The following FUT8 variants were observed in gnomAD, a reference collection of about 807,000 sequenced individuals.
FUT8 encodes alpha-(1,6)-fucosyltransferase.
A neutral mutation model predicts 71.3 loss-of-function variants in FUT8; 29 were observed. The observed-to-expected ratio is 0.41, with a 90% CI of 0.30 to 0.55. The LOEUF is 0.55. Ranked by LOEUF, FUT8 falls within the 20% of genes least tolerant of loss-of-function variation. The probability of loss-of-function intolerance (pLI) is 0.34; values close to 1 mark genes in which losing one functional copy is unlikely to be tolerated. For synonymous variants in FUT8, 254 were observed against 239.3 expected, an observed-to-expected ratio of 1.06 and a Z score of -0.57; for missense variants, 544 against 702.1, an observed-to-expected ratio of 0.77 and a Z score of 2.55.
At chr14:65,566,249 A>C (rs1319448524) in intron 3 of FUT8, among the ~76,000 whole-genome samples, 4 of 151,994 alleles carry the variant, frequency 2.6e-5, no homozygotes, top group Non-Finnish European at 5.9e-5. Flanking sequence ...CAGGAATTGC[A>C]TGGCCTCTTG....
chr14:65,645,013 A>C (rs1047674199), intron 6 of FUT8, among the ~76,000 whole-genome samples: 1 of 152,202 alleles, frequency 6.6e-6, no homozygotes, highest in Non-Finnish European at 1.5e-5. Context: ...AGCTAAATAT[A>C]CTGCAGAAAG....
intron 6 of FUT8, among the ~76,000 whole-genome samples, chr14:65,637,209 T>C (rs1043100490): frequency 1.3e-5 from 2 of 152,180 alleles, no homozygotes; most frequent in African/African-American, 2.4e-5. Flanking sequence ...TCATTATGAG[T>C]CCACATTTTA....
intron 6 of FUT8, among the ~76,000 whole-genome samples, chr14:65,668,006 A>G (rs1051311848): frequency 6.6e-6 from 1 of 152,228 alleles, no homozygotes; most frequent in African/African-American, 2.4e-5. Flanking sequence ...GTGCTGGGAT[A>G]ACTGGTTAGC....
In FUT8 at chr14:65,688,877, T is replaced by G. The variant is rs111563695; in HGVS notation, c.835+19397T>G. On this transcript the variant is annotated intron_variant, in intron 7 of 10. Coordinates refer to ENST00000673929, the MANE Select transcript of FUT8 (RefSeq NM_001371533.1). The stretch of plus-strand genomic sequence containing the variant: ...ACATACAGTTTTGGTGAGGGCCTTC[T>G]TCCTGGTGTTTACCTTCGCATCGTG... Among the ~76,000 whole-genome samples, 1,075 of 152,314 alleles carry G rather than the reference T, an allele frequency of 7.1e-3. 13 individuals are homozygous for G. The highest frequency in any genetic ancestry group is 0.023 in the African/African-American group (974 of 41,566).
intron 7 of FUT8, among the ~76,000 whole-genome samples, chr14:65,697,618 T>C (rs1894058724): frequency 6.6e-6 from 1 of 152,218 alleles, no homozygotes; most frequent in African/African-American, 2.4e-5. Context: ...ATTATAATGA[T>C]AGTAATCATC....
chr14:65,366,123 A>T, the FUT8 span, among the ~76,000 whole-genome samples: 1 of 152,220 alleles, frequency 6.6e-6, no homozygotes, highest in Non-Finnish European at 1.5e-5. Flanking sequence ...TTCCTGTAAC[A>T]GTATGTGTCT....
chr14:65,412,089 C>T (rs1953416), upstream of FUT8: 180,540 of 456,544 alleles, frequency 0.4, 39,613 homozygotes, highest in Non-Finnish European at 0.48. Context: ...CTGTCGCAGC[C>T]GCGGGTCGGG....
chr14:65,480,700 T>C (rs1482981830), intron 2 of FUT8, among the ~76,000 whole-genome samples: 1 of 151,932 alleles, frequency 6.6e-6, no homozygotes, highest in Non-Finnish European at 1.5e-5. Flanking sequence ...TAATTCTATT[T>C]TTTTTTTTTA....
intron 2 of FUT8, among the ~76,000 whole-genome samples, chr14:65,544,549 T>C (rs934695468): frequency 6.6e-6 from 1 of 152,168 alleles, no homozygotes; most frequent in Non-Finnish European, 1.5e-5. Context: ...TATTTAGGGC[T>C]GAAGGTACAG....
At chr14:65,362,243 A>G in the FUT8 span, among the ~76,000 whole-genome samples, 3 of 152,308 alleles carry the variant, frequency 2.0e-5, no homozygotes, top group Admixed American at 6.5e-5. Flanking sequence ...GTCCCTGTCA[A>G]CAATTGTTCC....
At chr14:65,388,434 A>G in the FUT8 span, among the ~76,000 whole-genome samples, 1 of 152,180 alleles carries the variant, frequency 6.6e-6, no homozygotes, top group African/African-American at 2.4e-5. Context: ...AGGAAAACTA[A>G]TTGAAAAAGC....
intron 5 of FUT8, among the ~76,000 whole-genome samples, chr14:65,621,754 T>C (rs528405920): frequency 6.6e-6 from 1 of 152,224 alleles, no homozygotes; most frequent in South Asian, 2.1e-4. Flanking sequence ...AGAGACAGGG[T>C]TTCTCCATGT....
chr14:65,426,473 T>C (rs1342738498), intron 1 of FUT8, among the ~76,000 whole-genome samples: 4 of 152,130 alleles, frequency 2.6e-5, no homozygotes, highest in Non-Finnish European at 5.9e-5. Context: ...TAGAATTGAA[T>C]ACTTACATAC....
chr14:65,506,277 A>G lies in FUT8; in HGVS notation c.-228+50559A>G, dbSNP rs900299740. Among the ~76,000 whole-genome samples, 5 of 152,250 alleles carry G rather than the reference A, an allele frequency of 3.3e-5. No homozygotes were observed. The East Asian group carries it at 9.6e-4, about 29-fold the overall frequency. ...ATGGAATAAAAGTTAAGCCAGAAAT[A>G]TAAAAAGTAATAAGCCATTTTTCAG... On this transcript the variant is annotated intron_variant, in intron 2 of 10. Coordinates refer to ENST00000673929, the MANE Select transcript of FUT8 (RefSeq NM_001371533.1).
the FUT8 span, among the ~76,000 whole-genome samples, chr14:65,357,277 A>G: frequency 6.6e-6 from 1 of 152,220 alleles, no homozygotes; most frequent in African/African-American, 2.4e-5. Context: ...GTTGCTGTCT[A>G]CAGAAGCCAG....
rs1280940820 is a variant in FUT8 at position 65,472,821 on chromosome 14, A to G, written c.-228+17103A>G. Among the ~76,000 whole-genome samples, 1 of 152,154 alleles carries G rather than the reference A, an allele frequency of 6.6e-6. No individual in the cohort carries two copies. Among genetic ancestry groups the G allele is most frequent in the African/African-American group, 2.4e-5 (1 of 41,450 alleles). ...ATTCTTATTTTTTTTGTGATATGGT[A>G]AAAAACTTAGTTCATATAATGAATT... is the stretch of plus-strand genomic sequence containing the variant. On this transcript the variant is annotated intron_variant, in intron 2 of 10. Coordinates refer to ENST00000673929, the MANE Select transcript of FUT8 (RefSeq NM_001371533.1). This position sits in a 1 kb window ranked among gnomAD's most constrained non-coding sequence, Gnocchi z 4.4.
chr14:65,501,001 A>G (rs1324921270), intron 2 of FUT8, among the ~76,000 whole-genome samples: 1 of 152,030 alleles, frequency 6.6e-6, no homozygotes, highest in Non-Finnish European at 1.5e-5. Context: ...TTTGGAGGAG[A>G]GGCAGTAAAT....
chr14:65,377,991 G>A, the FUT8 span, among the ~76,000 whole-genome samples: 1 of 152,190 alleles, frequency 6.6e-6, no homozygotes, highest in Admixed American at 6.5e-5. Flanking sequence ...AAAAGACAGA[G>A]AAGAGATGAG....
chr14:65,702,666 C>T (rs1238585208), intron 7 of FUT8, among the ~76,000 whole-genome samples: 2 of 151,882 alleles, frequency 1.3e-5, no homozygotes, highest in Non-Finnish European at 2.9e-5. Flanking sequence ...TTGGAGCTAC[C>T]AGGTAAGATG....
Sources: allele counts gnomAD v4.1 joint callset (sites outside exome capture counted in the v4.1 genomes callset), GRCh38; gene constraint gnomAD v4.1.1; non-coding constraint Gnocchi (gnomAD v3.1); transcripts MANE v1.5; gene names NCBI Gene and HGNC (gene_info 2026-07-23, HGNC 2026-07-21).